Variants in CHD9NB observed in about 807,000 individuals in gnomAD.
CHD9NB encodes CHD9 neighbor, also known as CHD9 neighbor protein.
At chr16:53,046,513 CAA>C in the CHD9NB span, among the ~76,000 whole-genome samples, 386 of 144,098 alleles carry the variant, frequency 2.7e-3, 1 homozygote, top group East Asian at 4.1e-3. Context: ...CCATCTCTAC[CAA>C]AAAAAAAAAA....
the CHD9NB span, among the ~76,000 whole-genome samples, chr16:53,044,453 CCCA>C: frequency 5.3e-5 from 8 of 152,228 alleles, no homozygotes; most frequent in Non-Finnish European, 1.2e-4. Flanking sequence ...TACAAATCAT[CCCA>C]CCACCACCTC....
At chr16:53,038,677 C>A in the CHD9NB span, among the ~76,000 whole-genome samples, 3 of 144,392 alleles carry the variant, frequency 2.1e-5, no homozygotes, top group African/African-American at 2.4e-5. Flanking sequence ...ACCATCACAC[C>A]CCCCCTGCAC....
chr16:53,049,053 C>T, the CHD9NB span, among the ~76,000 whole-genome samples: 2 of 152,244 alleles, frequency 1.3e-5, no homozygotes, highest in South Asian at 2.1e-4. Flanking sequence ...GAGATGGGGT[C>T]GCACTATGTT....
the CHD9NB span, chr16:53,047,241 A>T: frequency 6.6e-6 from 1 of 152,160 alleles, no homozygotes; most frequent in Non-Finnish European, 1.5e-5. Flanking sequence ...AGCAACTGGA[A>T]CTCTCATATA....
the CHD9NB span, among the ~76,000 whole-genome samples, chr16:53,037,782 T>A: frequency 6.6e-6 from 1 of 152,164 alleles, no homozygotes; most frequent in African/African-American, 2.4e-5. Context: ...AATGAATTCC[T>A]CAAGTCTCAG....
chr16:53,043,106 A>C, the CHD9NB span: 4 of 152,242 alleles, frequency 2.6e-5, no homozygotes, highest in African/African-American at 9.6e-5. Context: ...TTATTTGCAA[A>C]CATGTCTATT....
chr16:53,046,404 A>G, the CHD9NB span, among the ~76,000 whole-genome samples: 1 of 151,968 alleles, frequency 6.6e-6, no homozygotes, highest in African/African-American at 2.4e-5. Context: ...GCAGCTGGGC[A>G]TGGTGGCTTA....
At chr16:53,044,472 T>C in the CHD9NB span, among the ~76,000 whole-genome samples, 1 of 152,208 alleles carries the variant, frequency 6.6e-6, no homozygotes, top group Admixed American at 6.5e-5. Context: ...ACCTCCTAGT[T>C]ACCTGTAAAC....
chr16:53,041,939 C>T, the CHD9NB span, among the ~76,000 whole-genome samples: 2 of 152,314 alleles, frequency 1.3e-5, no homozygotes, highest in South Asian at 2.1e-4. Context: ...GGCTTTGGGC[C>T]AGCTGACAGG....
the CHD9NB span, among the ~76,000 whole-genome samples, chr16:53,049,395 C>T: frequency 6.6e-6 from 1 of 151,592 alleles, no homozygotes; most frequent in African/African-American, 2.4e-5. Context: ...AGGCTGGTCT[C>T]GAACTCCTGG....
chr16:53,043,856 C>T, the CHD9NB span: 1 of 397,046 alleles, frequency 2.5e-6, no homozygotes, highest in Non-Finnish European at 4.4e-6. Context: ...CTGCTAAAAA[C>T]TTCTGAAGCC....
At chr16:53,037,287 G>GCTTTA in the CHD9NB span, among the ~76,000 whole-genome samples, 1 of 152,184 alleles carries the variant, frequency 6.6e-6, no homozygotes, top group Non-Finnish European at 1.5e-5. Flanking sequence ...TACAACAAGG[G>GCTTTA]CTTTAGCTGC....
chr16:53,035,958 C>G, the CHD9NB span: 1 of 149,636 alleles, frequency 6.7e-6, no homozygotes, highest in Non-Finnish European at 1.5e-5. Context: ...GAGTGAGACC[C>G]TTTCTAAAAA....
the CHD9NB span, among the ~76,000 whole-genome samples, chr16:53,045,968 G>GGC: frequency 3.1e-4 from 47 of 152,198 alleles, 1 homozygote; most frequent in East Asian, 8.7e-3. Context: ...GGAATTCAGT[G>GGC]ATCTGCAAGA....
the CHD9NB span, chr16:53,044,308 C>A: frequency 2.5e-6 from 1 of 396,676 alleles, no homozygotes; most frequent in Non-Finnish European, 4.4e-6. Flanking sequence ...CAAGGAGACG[C>A]CCCGCTGTGC....
the CHD9NB span, among the ~76,000 whole-genome samples, chr16:53,042,375 C>G: frequency 6.7e-6 from 1 of 150,298 alleles, no homozygotes; most frequent in South Asian, 2.1e-4. Flanking sequence ...CTACCTCTTC[C>G]CTTTCTCTCC....
At chr16:53,044,016 G>A in the CHD9NB span, 9 of 398,748 alleles carry the variant, frequency 2.3e-5, no homozygotes, top group Non-Finnish European at 4.0e-5. Context: ...CTTTGGCTCA[G>A]GGGTTCCATC....
At chr16:53,052,487 A>G in the CHD9NB span, among the ~76,000 whole-genome samples, 1 of 152,242 alleles carries the variant, frequency 6.6e-6, no homozygotes. Flanking sequence ...TGGAGAAAAC[A>G]GATCTGTTGA....
the CHD9NB span, among the ~76,000 whole-genome samples, chr16:53,039,669 TG>T: frequency 6.6e-6 from 1 of 151,610 alleles, no homozygotes; most frequent in Non-Finnish European, 1.5e-5. Context: ...CGCTTGAACC[TG>T]GGAGGCAGGG....
Sources: gnomAD v4.1 joint callset for allele counts (sites outside exome capture counted in the v4.1 genomes callset) on GRCh38, gnomAD v4.1.1 for gene constraint, MANE v1.5 for transcripts, NCBI Gene and HGNC (gene_info 2026-07-23, HGNC 2026-07-21) for gene names.